The following NXPH1 variants were observed in gnomAD, a reference collection of about 807,000 sequenced individuals.
The protein encoded by NXPH1 is neurexophilin-1.
A neutral mutation model predicts 23.7 loss-of-function variants in NXPH1; 5 were observed. The observed-to-expected ratio is 0.21, with a 90% CI of 0.11 to 0.44. The LOEUF is 0.44. Ranked by LOEUF, NXPH1 falls within the 20% of genes least tolerant of loss-of-function variation. The pLI, the probability that NXPH1 is intolerant of heterozygous loss-of-function variation, is 0.99. For missense variants in NXPH1, 324 were observed against 321.6 expected (o/e 1.01, Z -0.06); for synonymous variants, 144 against 122.2 (o/e 1.18, Z -1.18).
intron 2 of NXPH1, among the ~76,000 whole-genome samples, chr7:8,742,957 G>A (rs1780392136): frequency 6.8e-6 from 1 of 146,212 alleles, no homozygotes; most frequent in African/African-American, 2.4e-5. Context: ...GTTAGTGAGT[G>A]TGTGCGTGTG....
At chr7:8,484,119 A>G (rs1393390249) in intron 2 of NXPH1, among the ~76,000 whole-genome samples, 1 of 152,106 alleles carries the variant, frequency 6.6e-6, no homozygotes, top group Admixed American at 6.5e-5. Context: ...AAATCTATTT[A>G]GTGTCTTCCA....
chr7:8,635,039 C>T (rs1820197022), intron 2 of NXPH1, among the ~76,000 whole-genome samples: 2 of 152,132 alleles, frequency 1.3e-5, no homozygotes, highest in African/African-American at 2.4e-5. Flanking sequence ...GAGTTTTGAA[C>T]AATAGCTATC....
Position 8,435,951 on chromosome 7 carries a change from A to G in NXPH1, c.54+184A>G, listed in dbSNP as rs1210961037. Among the ~76,000 whole-genome samples, 1 of 152,072 alleles carries G rather than the reference A, an allele frequency of 6.6e-6. No homozygotes were observed. Among genetic ancestry groups the G allele is most frequent in the Non-Finnish European group, 1.5e-5 (1 of 67,994 alleles). On this transcript the variant is annotated intron_variant, in intron 2 of 2. Coordinates refer to ENST00000405863, the MANE Select transcript of NXPH1 (RefSeq NM_152745.3). The surrounding 1 kb of genome is among the most constrained non-coding windows in gnomAD (Gnocchi z 5.9). ...GCGGATTTTCCGGGGTTCCCACCCC[A>G]TTTTCTGCTCCAATCCCCCAGTCTC...
At chr7:8,720,115 G>C (rs1779947083) in intron 2 of NXPH1, among the ~76,000 whole-genome samples, 1 of 59,462 alleles carries the variant, frequency 1.7e-5, no homozygotes, top group Non-Finnish European at 2.9e-5. Context: ...ACTTTAACTT[G>C]AAGTTCAAGG....
At chr7:8,577,154 C>T (rs961318146) in intron 2 of NXPH1, among the ~76,000 whole-genome samples, 10 of 152,104 alleles carry the variant, frequency 6.6e-5, no homozygotes, top group African/African-American at 1.2e-4. Context: ...ATAACATTCA[C>T]GGGAGTATCT....
At chr7:8,501,986 A>T (rs1563329169) in intron 2 of NXPH1, among the ~76,000 whole-genome samples, 1 of 151,964 alleles carries the variant, frequency 6.6e-6, no homozygotes. Flanking sequence ...ATGTCATCTG[A>T]GTTTGGAGTG....
intron 2 of NXPH1, among the ~76,000 whole-genome samples, chr7:8,705,525 C>A (rs998632607): frequency 6.6e-6 from 1 of 152,094 alleles, no homozygotes; most frequent in Non-Finnish European, 1.5e-5. Flanking sequence ...CCATTATGTC[C>A]TCATTTTATT....
At chr7:8,641,206 G>A (rs1820303952) in intron 2 of NXPH1, among the ~76,000 whole-genome samples, 1 of 151,942 alleles carries the variant, frequency 6.6e-6, no homozygotes, top group African/African-American at 2.4e-5. Context: ...CATTTTTATT[G>A]TTAATTTTAA....
chr7:8,686,818 CTGTTGTCAT>C (rs1201535284), intron 2 of NXPH1, among the ~76,000 whole-genome samples: 2 of 152,080 alleles, frequency 1.3e-5, no homozygotes, highest in African/African-American at 2.4e-5. Flanking sequence ...TAAACTGGAA[CTGTTGTCAT>C]TGTTGTCATT....
chr7:8,439,247 T>C (rs969407764), intron 2 of NXPH1, among the ~76,000 whole-genome samples: 14 of 152,174 alleles, frequency 9.2e-5, no homozygotes, highest in African/African-American at 3.4e-4. Flanking sequence ...ATATATTGAA[T>C]CAGCTAGAAA....
chr7:8,663,803 C>T (rs1259612585), intron 2 of NXPH1, among the ~76,000 whole-genome samples: 1 of 152,050 alleles, frequency 6.6e-6, no homozygotes, highest in East Asian at 1.9e-4. Context: ...GTCTGATAGT[C>T]TTAATTCATG....
intron 2 of NXPH1, among the ~76,000 whole-genome samples, chr7:8,611,328 C>G (rs1398814676): frequency 2.6e-5 from 4 of 152,102 alleles, no homozygotes; most frequent in Non-Finnish European, 4.4e-5. Flanking sequence ...CTCTGTCTTC[C>G]TTTGGGTTAA....
intron 2 of NXPH1, among the ~76,000 whole-genome samples, chr7:8,562,715 G>A (rs1019180343): frequency 6.6e-6 from 1 of 151,526 alleles, no homozygotes; most frequent in African/African-American, 2.4e-5. Context: ...TATCCTAATG[G>A]ATAATGTTTA....
At chr7:8,555,314 C>T (rs1028407122) in intron 2 of NXPH1, among the ~76,000 whole-genome samples, 1 of 151,576 alleles carries the variant, frequency 6.6e-6, no homozygotes, top group Non-Finnish European at 1.5e-5. Context: ...CTTTTAGTTC[C>T]CATTTTGAAG....
At chr7:8,643,452 G>A (rs1820349028) in intron 2 of NXPH1, among the ~76,000 whole-genome samples, 1 of 152,070 alleles carries the variant, frequency 6.6e-6, no homozygotes, top group South Asian at 2.1e-4. Context: ...TACCTTTTAA[G>A]TGCTTTTCTT....
At chr7:8,697,066 G>T (rs1274745829) in intron 2 of NXPH1, among the ~76,000 whole-genome samples, 1 of 150,172 alleles carries the variant, frequency 6.7e-6, no homozygotes, top group Middle Eastern at 3.4e-3. Context: ...GCTAAGGCAG[G>T]AGAATCACTT....
chr7:8,519,700 C>T (rs924299764), intron 2 of NXPH1, among the ~76,000 whole-genome samples: 3 of 151,998 alleles, frequency 2.0e-5, no homozygotes, highest in African/African-American at 4.8e-5. Flanking sequence ...TTTCCGTATG[C>T]GTGTGCATTA....
chr7:8,534,228 C>A (rs1467544665), intron 2 of NXPH1, among the ~76,000 whole-genome samples: 1 of 151,848 alleles, frequency 6.6e-6, no homozygotes, highest in African/African-American at 2.4e-5. Context: ...GCCTCAAAGA[C>A]AACAGTTATG....
intron 2 of NXPH1, among the ~76,000 whole-genome samples, chr7:8,452,363 G>C (rs1008576652): frequency 6.6e-6 from 1 of 152,104 alleles, no homozygotes; most frequent in Non-Finnish European, 1.5e-5. Context: ...TTAAATAGCT[G>C]TACCATGGAC....
Sources: allele counts gnomAD v4.1 joint callset (sites outside exome capture counted in the v4.1 genomes callset), GRCh38; gene constraint gnomAD v4.1.1; non-coding constraint Gnocchi (gnomAD v3.1); transcripts MANE v1.5; gene names NCBI Gene and HGNC (gene_info 2026-07-23, HGNC 2026-07-21).